The following PCM1 variants were observed in gnomAD, a reference collection of about 807,000 sequenced individuals.
PCM1 encodes pericentriolar material 1 protein.
A neutral mutation model predicts 241.9 loss-of-function variants in PCM1; 157 were observed. The observed-to-expected ratio is 0.65, with a 90% CI of 0.57 to 0.74. The LOEUF (loss-of-function observed/expected upper bound fraction) is 0.74, where lower values mean the gene tolerates loss of function less well. Among genes scored for constraint, PCM1 ranks in the 30% least tolerant of loss-of-function variants. PCM1 has a pLI of 0.00. For synonymous variants in PCM1, 1,085 were observed against 784.9 expected, an observed-to-expected ratio of 1.38 and a Z score of -6.39; for missense variants, 3,478 against 2,360.1, an observed-to-expected ratio of 1.47 and a Z score of -9.81.
chr8:17,992,188 T>G (rs1483760690), intron 28 of PCM1, among the ~76,000 whole-genome samples: 3 of 152,272 alleles, frequency 2.0e-5, no homozygotes, highest in Non-Finnish European at 4.4e-5. Flanking sequence ...AACTGCAGAT[T>G]GTGCTGCTAT....
chr8:17,994,482 C>G (rs1453755240), intron 29 of PCM1, among the ~76,000 whole-genome samples: 1 of 152,178 alleles, frequency 6.6e-6, no homozygotes, highest in Admixed American at 6.5e-5. Flanking sequence ...GTGAACAGTA[C>G]TGCAACAAAC....
rs941211211 is a variant in PCM1 at position 17,969,327 on chromosome 8, C to T, written c.3413-250C>T. The T allele has an allele frequency of 8.5e-6, 3 of 355,024 alleles. No homozygotes were observed. In the Admixed American group the frequency reaches 1.5e-4, roughly 18 times the overall value. The allele number at this position is 355,024 out of a possible 1,614,324, so 22.0% of individuals were successfully genotyped here. On this transcript the variant is annotated intron_variant, in intron 21 of 38. Transcript: ENST00000325083. Reference sequence around the variant, plus strand: ...GTGTCACCCAGTAATTGATAAATGTCAGGTACCATTATTTCTAACTTTTAG... The same window carrying T: ...GTGTCACCCAGTAATTGATAAATGTTAGGTACCATTATTTCTAACTTTTAG...
At position 17,985,657 on chromosome 8, in the gene PCM1, T is replaced by C. The variant is rs568726203; in HGVS notation, c.4281+38T>C. 1.1e-5 allele frequency: 16 copies of C among 1,443,652 alleles called. No homozygotes were observed. The South Asian group carries it at 1.6e-4, about 14-fold the overall frequency. 89.4% of individuals were successfully genotyped at this position (1,443,652 alleles called of 1,614,324 possible). A position where few individuals can be genotyped will look rare whatever the true frequency, so the allele number is the denominator to read the frequency against. ...TAACATAATTTTTCCTACCCTATTA[T>C]CACCTTCTTCATGATTATCTCTGGT... On this transcript the variant is annotated intron_variant, in intron 25 of 38. Coordinates refer to ENST00000325083, the MANE Select transcript of PCM1 (RefSeq NM_006197.4).
At chr8:17,937,407 C>T in intron 4 of PCM1, 28 bp downstream of exon 4, 1 of 1,515,892 alleles carries the variant, frequency 6.6e-7, no homozygotes, top group Non-Finnish European at 8.9e-7. Context: ...AAAAATGAAG[C>T]TATTACTGTG....
In PCM1 at chr8:18,027,832, T is replaced by G; in HGVS notation, c.*170T>G. The G allele has an allele frequency of 4.6e-6, 2 of 434,012 alleles. No individual in the cohort carries two copies. The highest frequency in any genetic ancestry group is 8.2e-6 in the Non-Finnish European group (2 of 244,054). The allele number at this position is 434,012 out of a possible 1,614,324, so 26.9% of individuals were successfully genotyped here. A position where few individuals can be genotyped will look rare whatever the true frequency, so the allele number is the denominator to read the frequency against. On this transcript the variant is annotated 3_prime_UTR_variant, in exon 39 of 39. Coordinates refer to ENST00000325083, the MANE Select transcript of PCM1 (RefSeq NM_006197.4). ...TAGTTTAAAACATCAGAAACTGAAT[T>G]CTGGACAGATTTAAGCCTTGACACA...
chr8:17,956,970 T>A (rs2068805898), intron 11 of PCM1, among the ~76,000 whole-genome samples, 193 bp downstream of exon 11: 1 of 152,232 alleles, frequency 6.6e-6, no homozygotes, highest in Non-Finnish European at 1.5e-5. Context: ...AATAGTTCAG[T>A]AAATTTGCCC....
chr8:18,013,908 C>G (rs1588523838), intron 34 of PCM1, 56 bp from the exon 35 acceptor site: 1 of 1,059,060 alleles, frequency 9.4e-7, no homozygotes, highest in Non-Finnish European at 1.4e-6. Flanking sequence ...GTAATCATCT[C>G]TTTTATAGTG....
At chr8:17,983,359 G>T (rs1314839446) in intron 24 of PCM1, 2 of 891,784 alleles carry the variant, frequency 2.2e-6, no homozygotes, top group Middle Eastern at 2.5e-4. Flanking sequence ...AGGTTTTATT[G>T]TCCTGATTTT....
intron 29 of PCM1, among the ~76,000 whole-genome samples, chr8:17,996,298 G>T (rs1404145156): frequency 6.6e-6 from 1 of 152,108 alleles, no homozygotes; most frequent in Non-Finnish European, 1.5e-5. Flanking sequence ...ATGATCATAT[G>T]GGTTTTGTCC....
At chr8:17,952,078 C>A (rs1004723432) in intron 8 of PCM1, among the ~76,000 whole-genome samples, 1 of 151,928 alleles carries the variant, frequency 6.6e-6, no homozygotes, top group African/African-American at 2.4e-5. Context: ...CAAAAATGAG[C>A]CAGGTGTGGA....
At chr8:17,940,085 C>T (rs1023354490) in intron 6 of PCM1, 2 of 1,580,646 alleles carry the variant, frequency 1.3e-6, no homozygotes, top group African/African-American at 1.3e-5. Context: ...ATAGATTCAG[C>T]TGTGGGATCT....
intron 2 of PCM1, chr8:17,927,952 A>C (rs112378668): frequency 1.3e-5 from 2 of 151,528 alleles, no homozygotes; most frequent in African/African-American, 4.9e-5. Flanking sequence ...AAAAAAAAAA[A>C]AACCACTAAG....
intron 29 of PCM1, among the ~76,000 whole-genome samples, chr8:17,998,915 A>G (rs193156086): frequency 1.5e-3 from 221 of 152,254 alleles, no homozygotes; most frequent in Middle Eastern, 3.4e-3. Flanking sequence ...TCCATAAGCA[A>G]AGGAGTCTCT....
At chr8:17,973,069 A>G (rs2077389721) in intron 23 of PCM1, among the ~76,000 whole-genome samples, 1 of 152,186 alleles carries the variant, frequency 6.6e-6, no homozygotes, top group Admixed American at 6.5e-5. Context: ...AGTTTAAAGA[A>G]TAGTGGGCTT....
intron 23 of PCM1, among the ~76,000 whole-genome samples, chr8:17,973,516 T>A (rs2077561539): frequency 6.6e-6 from 1 of 151,930 alleles, no homozygotes; most frequent in Non-Finnish European, 1.5e-5. Context: ...AGCAGGAGTT[T>A]GAGACCAGCC....
intron 26 of PCM1, among the ~76,000 whole-genome samples, chr8:17,988,220 C>A (rs2083271381): frequency 6.6e-6 from 1 of 151,702 alleles, no homozygotes; most frequent in Non-Finnish European, 1.5e-5. Context: ...AAAATGGTTT[C>A]CCTATTCCTA....
chr8:17,990,732 G>C (rs541026268), intron 27 of PCM1, among the ~76,000 whole-genome samples: 1 of 152,210 alleles, frequency 6.6e-6, no homozygotes, highest in East Asian at 1.9e-4. Context: ...TCTAGTGTTT[G>C]TTCACGTGAT....
Position 17,989,793 on chromosome 8 carries a change from T to C in PCM1, c.4411-66T>C. ...TTTTATGTAAATACTTAGTTATCTC[T>C]GTTAGATTATTAATATGAAATTCTT... On this transcript the variant is annotated intron_variant, in intron 26 of 38. Transcript: ENST00000325083. 2.7e-6 allele frequency: 3 copies of C among 1,109,250 alleles called. No homozygotes were observed. In the South Asian group the frequency reaches 4.6e-5, roughly 17 times the overall value. The allele number at this position is 1,109,250 out of a possible 1,614,324, so 68.7% of individuals were successfully genotyped here. A position where few individuals can be genotyped will look rare whatever the true frequency, so the allele number is the denominator to read the frequency against.
intron 6 of PCM1, among the ~76,000 whole-genome samples, chr8:17,943,208 C>A (rs1347682805): frequency 2.9e-5 from 4 of 139,058 alleles, no homozygotes; most frequent in Non-Finnish European, 4.6e-5. Context: ...GTGTGTGTGG[C>A]TATTTACAAA....
Sources: allele counts gnomAD v4.1 joint callset (sites outside exome capture counted in the v4.1 genomes callset), GRCh38; gene constraint gnomAD v4.1.1; transcripts MANE v1.5; gene names NCBI Gene and HGNC (gene_info 2026-07-23, HGNC 2026-07-21).